SCHIP1: variants seen among roughly 807,000 people sequenced by gnomAD.
The protein encoded by SCHIP1 is schwannomin-interacting protein 1.
In SCHIP1, 8 loss-of-function variants were observed where a neutral mutation model predicts 29.7. That is an observed-to-expected ratio of 0.27 (90% CI 0.16 to 0.49). The LOEUF (loss-of-function observed/expected upper bound fraction) is 0.49. Ranked by LOEUF, SCHIP1 falls within the 20% of genes least tolerant of loss-of-function variation. The pLI is 0.99. For synonymous variants in SCHIP1, 76 were observed against 94.9 expected, an observed-to-expected ratio of 0.80 and a Z score of 1.16; for missense variants, 193 against 294.6, an observed-to-expected ratio of 0.66 and a Z score of 2.52.
At chr3:159,671,943 G>A in the SCHIP1 span, among the ~76,000 whole-genome samples, 1 of 152,080 alleles carries the variant, frequency 6.6e-6, no homozygotes, top group Non-Finnish European at 1.5e-5. Flanking sequence ...TCCACACCAG[G>A]AGAGCACTTG....
chr3:159,853,377 A>G (rs767428291), intron 1 of SCHIP1: 1 of 690,728 alleles, frequency 1.4e-6, no homozygotes, highest in South Asian at 1.5e-5. Flanking sequence ...AAAGAGTTAA[A>G]GGATGAATTT....
the SCHIP1 span, chr3:159,274,466 A>G: frequency 2.6e-6 from 2 of 759,704 alleles, no homozygotes; most frequent in Non-Finnish European, 3.2e-6. Flanking sequence ...AATTTTATAA[A>G]ATTATATATG....
chr3:159,420,804 C>G, the SCHIP1 span, among the ~76,000 whole-genome samples: 1 of 152,138 alleles, frequency 6.6e-6, no homozygotes. Context: ...TACTGAGAAG[C>G]TTTATTGAGA....
the SCHIP1 span, among the ~76,000 whole-genome samples, chr3:159,311,679 A>G: frequency 6.6e-6 from 1 of 152,152 alleles, no homozygotes; most frequent in African/African-American, 2.4e-5. Context: ...TGTGATTTGT[A>G]TACTTGCAAA....
chr3:159,454,193 C>A, the SCHIP1 span, among the ~76,000 whole-genome samples: 1 of 152,164 alleles, frequency 6.6e-6, no homozygotes, highest in Non-Finnish European at 1.5e-5. Context: ...GGGTACTATC[C>A]CCCGAAGATT....
chr3:159,425,956 G>A, the SCHIP1 span, among the ~76,000 whole-genome samples: 31 of 152,208 alleles, frequency 2.0e-4, no homozygotes, highest in Middle Eastern at 0.014. Context: ...GGTACATAAC[G>A]AAATGAAGGC....
At chr3:159,290,645 T>C in the SCHIP1 span, among the ~76,000 whole-genome samples, 6 of 152,134 alleles carry the variant, frequency 3.9e-5, no homozygotes, top group Non-Finnish European at 7.4e-5. Context: ...TGGGACATAA[T>C]ATTCTGACTA....
the SCHIP1 span, among the ~76,000 whole-genome samples, chr3:159,354,727 G>A: frequency 6.6e-6 from 1 of 152,130 alleles, no homozygotes; most frequent in Non-Finnish European, 1.5e-5. Context: ...AAGAGAACTA[G>A]GAGGGTTAGC....
At chr3:159,762,266 G>T in the SCHIP1 span, among the ~76,000 whole-genome samples, 8 of 152,180 alleles carry the variant, frequency 5.3e-5, no homozygotes, top group South Asian at 2.1e-4. Flanking sequence ...AGACCGGAAG[G>T]CCCCTTTTCC....
chr3:159,506,259 A>G, the SCHIP1 span, among the ~76,000 whole-genome samples: 2 of 152,204 alleles, frequency 1.3e-5, no homozygotes, highest in Non-Finnish European at 2.9e-5. Context: ...TTGGCTGCAT[A>G]AATGTCTTAT....
chr3:159,746,225 C>T, the SCHIP1 span, among the ~76,000 whole-genome samples: 3 of 152,348 alleles, frequency 2.0e-5, no homozygotes, highest in African/African-American at 7.2e-5. Flanking sequence ...GGAATTCCTC[C>T]ATCCTTCTCT....
the SCHIP1 span, among the ~76,000 whole-genome samples, chr3:159,660,055 T>C: frequency 1.3e-5 from 2 of 152,222 alleles, no homozygotes; most frequent in Non-Finnish European, 2.9e-5. Flanking sequence ...CTCTGGCAGC[T>C]GCTGAGGAGA....
the SCHIP1 span, among the ~76,000 whole-genome samples, chr3:159,414,131 T>G: frequency 6.6e-6 from 1 of 152,234 alleles, no homozygotes; most frequent in African/African-American, 2.4e-5. Context: ...TCCTTCTTAC[T>G]ATTCTTGCAT....
the SCHIP1 span, among the ~76,000 whole-genome samples, chr3:159,586,961 G>T: frequency 1.3e-5 from 2 of 152,154 alleles, no homozygotes; most frequent in South Asian, 4.1e-4. Flanking sequence ...TATCATATAC[G>T]TGTCAGCAGA....
the SCHIP1 span, among the ~76,000 whole-genome samples, chr3:159,341,604 G>A: frequency 6.6e-6 from 1 of 152,132 alleles, no homozygotes; most frequent in Non-Finnish European, 1.5e-5. Context: ...CCATCTGTGG[G>A]AGGAGCCATA....
the SCHIP1 span, among the ~76,000 whole-genome samples, chr3:159,277,451 TG>T: frequency 6.6e-6 from 1 of 152,038 alleles, no homozygotes; most frequent in African/African-American, 2.4e-5. Flanking sequence ...TAGTATGGCT[TG>T]GAAGAATTTT....
chr3:159,657,092 C>T, the SCHIP1 span, among the ~76,000 whole-genome samples: 11 of 152,162 alleles, frequency 7.2e-5, no homozygotes, highest in South Asian at 4.1e-4. Context: ...CCCTGTACTA[C>T]CACATGTGCT....
At chr3:159,343,341 C>A in the SCHIP1 span, among the ~76,000 whole-genome samples, 2 of 152,204 alleles carry the variant, frequency 1.3e-5, no homozygotes, top group Non-Finnish European at 2.9e-5. Flanking sequence ...TTAGTTATTT[C>A]TGCAAAGTCA....
At chr3:159,306,179 A>G in the SCHIP1 span, among the ~76,000 whole-genome samples, 1 of 74,534 alleles carries the variant, frequency 1.3e-5, no homozygotes, top group South Asian at 3.4e-4. Flanking sequence ...GTAATACTAT[A>G]TACATGAATA....
Sources: allele counts gnomAD v4.1 joint callset (sites outside exome capture counted in the v4.1 genomes callset), GRCh38; gene constraint gnomAD v4.1.1; transcripts MANE v1.5; gene names NCBI Gene and HGNC (gene_info 2026-07-23, HGNC 2026-07-21).